The following PRKAG2 variants were observed in gnomAD, a reference collection of about 807,000 sequenced individuals.
The protein encoded by PRKAG2 is protein kinase AMP-activated non-catalytic subunit gamma 2, also known as 5'-AMP-activated protein kinase subunit gamma-2.
Under a neutral mutation model 69.6 loss-of-function variants are expected in PRKAG2, and 26 were observed. The observed-to-expected ratio is 0.37, with a 90% CI of 0.27 to 0.52. PRKAG2 has a LOEUF of 0.52. Among genes scored for constraint, PRKAG2 ranks in the 20% least tolerant of loss-of-function variants. The pLI, the probability that PRKAG2 is intolerant of heterozygous loss-of-function variation, is 0.90. For missense variants in PRKAG2, 557 were observed against 740.0 expected (o/e 0.75, Z 2.87); for synonymous variants, 293 against 285.0 (o/e 1.03, Z -0.28).
chr7:151,804,898 G>T (rs959815838), intron 1 of PRKAG2, among the ~76,000 whole-genome samples: 2 of 152,180 alleles, frequency 1.3e-5, no homozygotes, highest in African/African-American at 4.8e-5. Flanking sequence ...TTTCTGGGAT[G>T]TCTATATCCA....
In PRKAG2 at chr7:151,814,808, C is replaced by T. The variant is rs189361388; in HGVS notation, c.115-28267G>A. 1.0e-3 allele frequency: 1,242 copies of T among 1,231,834 alleles called. 5 individuals are homozygous for T. In the South Asian group the frequency reaches 0.01, roughly 10 times the overall value. The allele number at this position is 1,231,834 out of a possible 1,614,324, so 76.3% of individuals were successfully genotyped here. On this transcript the variant is annotated intron_variant, in intron 1 of 15. Coordinates refer to ENST00000287878, the MANE Select transcript of PRKAG2 (RefSeq NM_016203.4). This position sits in a 1 kb window ranked among gnomAD's most constrained non-coding sequence, Gnocchi z 4.8. ...GCAGGCAGAGCTCGGGCAGATTCCC[C>T]CATTGACGGGACTGCAGCAAACTGT...
intron 7 of PRKAG2, 39 bp from the exon 8 acceptor site, chr7:151,574,988 A>G: frequency 6.2e-7 from 1 of 1,608,708 alleles, no homozygotes; most frequent in Non-Finnish European, 8.5e-7. Context: ...AAAACCATGA[A>G]AACATTTTTA....
intron 3 of PRKAG2, among the ~76,000 whole-genome samples, chr7:151,731,527 T>C (rs1429765775): frequency 2.2e-5 from 3 of 135,954 alleles, no homozygotes; most frequent in Non-Finnish European, 3.3e-5. Context: ...GAGCTCTGTG[T>C]GTGTGTGTGC....
intron 3 of PRKAG2, among the ~76,000 whole-genome samples, chr7:151,702,520 T>C (rs12669379): frequency 0.051 from 7,824 of 152,204 alleles, 342 homozygotes; most frequent in East Asian, 0.22. Context: ...TTGCCTTCCT[T>C]CCCCTATCTC....
At chr7:151,652,920 G>T (rs1828783788) in intron 4 of PRKAG2, among the ~76,000 whole-genome samples, 1 of 152,164 alleles carries the variant, frequency 6.6e-6, no homozygotes, top group Non-Finnish European at 1.5e-5. Flanking sequence ...CACCCGGCTT[G>T]TTTGGGTCTC....
In PRKAG2 at chr7:151,557,200, G is replaced by T. The variant is rs1326750528; in HGVS notation, c.*1C>A. 6.2e-7 allele frequency: 1 copy of T among 1,614,174 alleles called. No homozygotes were observed. The highest frequency in any genetic ancestry group is 2.2e-5 in the East Asian group (1 of 44,880). ...TCCTAGGGCGTCTACATTCACGGCGGTCACTCCGTTTCTGTCTCCTTTTGT... is the reference window on the plus strand; with the variant it reads ...TCCTAGGGCGTCTACATTCACGGCGTTCACTCCGTTTCTGTCTCCTTTTGT... On this transcript the variant is annotated 3_prime_UTR_variant, in exon 16 of 16. Transcript: ENST00000287878.
At position 151,751,722 on chromosome 7, in the gene PRKAG2, G is replaced by A. The variant is rs1158398848; in HGVS notation, c.466+29430C>T. Among the ~76,000 whole-genome samples the A allele has an allele frequency of 2.0e-5, 3 of 151,172 alleles. No individual in the cohort carries two copies. The South Asian group carries it at 6.3e-4, about 32-fold the overall frequency. The stretch of plus-strand genomic sequence containing the variant: ...GTTTGTTTGGTAGAGACAGGGTCTC[G>A]CTACGGTCTTGAACTCCTGAGCTCA... On this transcript the variant is annotated intron_variant, in intron 3 of 15. Transcript: ENST00000287878.
rs182409080 is a variant in PRKAG2, at chr7:151,629,758, T to C, written c.754+2311A>G. 8.5e-4 allele frequency among the ~76,000 whole-genome samples: 129 copies of C among 152,346 alleles called. No homozygotes were observed. The Middle Eastern group carries it at 0.01, about 12-fold the overall frequency. ...AGCGAATATATCTCGGTTGAAGCAA[T>C]GCCTCTAGACATCAATGCATACATG... On this transcript the variant is annotated intron_variant, in intron 5 of 15. Coordinates refer to ENST00000287878, the MANE Select transcript of PRKAG2 (RefSeq NM_016203.4).
chr7:151,841,264 A>G (rs575543271), intron 1 of PRKAG2, among the ~76,000 whole-genome samples: 1 of 152,334 alleles, frequency 6.6e-6, no homozygotes, highest in South Asian at 2.1e-4. Context: ...CTGGGATTAC[A>G]GGCATGAGCC....
intron 6 of PRKAG2, among the ~76,000 whole-genome samples, chr7:151,584,311 A>C: frequency 6.6e-6 from 1 of 152,188 alleles, no homozygotes; most frequent in African/African-American, 2.4e-5. Flanking sequence ...ACTGCTCTTC[A>C]GTGAAGCCCA....
At chr7:151,813,667 C>T (rs2078540839) in intron 1 of PRKAG2, among the ~76,000 whole-genome samples, 1 of 152,122 alleles carries the variant, frequency 6.6e-6, no homozygotes, top group South Asian at 2.1e-4. Context: ...TCCCCCTCCT[C>T]CTCTCCACCA....
intron 1 of PRKAG2, among the ~76,000 whole-genome samples, chr7:151,820,769 G>T (rs1459259166): frequency 4.6e-5 from 7 of 152,242 alleles, no homozygotes. Context: ...ACCTTCAACA[G>T]AAGGAACTTG....
At chr7:151,748,160 AT>A (rs1203282685) in intron 3 of PRKAG2, among the ~76,000 whole-genome samples, 1 of 152,072 alleles carries the variant, frequency 6.6e-6, no homozygotes, top group Non-Finnish European at 1.5e-5. Context: ...GACTCAAGTG[AT>A]CCGCCCACCT....
At chr7:151,693,193 C>T (rs1860744) in intron 3 of PRKAG2, among the ~76,000 whole-genome samples, 7 of 152,050 alleles carry the variant, frequency 4.6e-5, no homozygotes, top group African/African-American at 9.7e-5. Flanking sequence ...TTCTCTACAG[C>T]GGCTCTTGGC....
Position 151,660,306 on chromosome 7 carries a change from C to G in PRKAG2, c.684+15114G>C, listed in dbSNP as rs111361616. Among the ~76,000 whole-genome samples the G allele has an allele frequency of 3.5e-4, 54 of 152,280 alleles. 1 individual carries two copies. Among genetic ancestry groups the G allele is most frequent in the African/African-American group, 1.3e-3 (54 of 41,564 alleles). On this transcript the variant is annotated intron_variant, in intron 4 of 15. Transcript: ENST00000287878. ...TTTCAATCTCCCAGCTTCTCAAACC[C>G]GTAGCTGAGTCTTGAGCAGGCAAAT...
intron 4 of PRKAG2, 190 bp downstream of exon 4, chr7:151,675,230 G>T: frequency 1.4e-6 from 1 of 692,798 alleles, no homozygotes; most frequent in Non-Finnish European, 2.6e-6. Context: ...TATTTTTTGT[G>T]TATTTCCATT....
chr7:151,621,318 A>T (rs1193576181), intron 5 of PRKAG2, among the ~76,000 whole-genome samples: 1 of 152,230 alleles, frequency 6.6e-6, no homozygotes, highest in African/African-American at 2.4e-5. Flanking sequence ...ATCCATAAAC[A>T]GGCTGAATAG....
intron 3 of PRKAG2, among the ~76,000 whole-genome samples, chr7:151,737,651 G>A (rs1454167179): frequency 6.6e-6 from 1 of 152,172 alleles, no homozygotes; most frequent in East Asian, 1.9e-4. Flanking sequence ...GGCCTCCTCA[G>A]GAACCACAGG....
chr7:151,785,121 G>C (rs1234619773), intron 2 of PRKAG2, among the ~76,000 whole-genome samples: 3 of 152,226 alleles, frequency 2.0e-5, no homozygotes, highest in Non-Finnish European at 4.4e-5. Context: ...TGTGTGCCTG[G>C]CTCCGCAGAG....
Sources: allele counts gnomAD v4.1 joint callset (sites outside exome capture counted in the v4.1 genomes callset), GRCh38; gene constraint gnomAD v4.1.1; non-coding constraint Gnocchi (gnomAD v3.1); transcripts MANE v1.5; gene names NCBI Gene and HGNC (gene_info 2026-07-23, HGNC 2026-07-21).